CHIC2: variants seen among roughly 807,000 people sequenced by gnomAD.
The protein encoded by CHIC2 is cysteine rich hydrophobic domain 2.
Under a neutral mutation model 25.9 loss-of-function variants are expected in CHIC2, and 14 were observed. The observed-to-expected ratio is 0.54, with a 90% CI of 0.36 to 0.85. The LOEUF (loss-of-function observed/expected upper bound fraction) is 0.85. CHIC2 is among the 40% of genes least tolerant of loss of function. The pLI is 0.01. For missense variants in CHIC2, 146 were observed against 202.0 expected (o/e 0.72, Z 1.68); for synonymous variants, 70 against 72.0 (o/e 0.97, Z 0.14).
chr4:54,066,513 GC>G (rs1717523128), upstream of CHIC2, among the ~76,000 whole-genome samples: 1 of 152,086 alleles, frequency 6.6e-6, no homozygotes, highest in African/African-American at 2.4e-5. Flanking sequence ...TTTCAGAGAT[GC>G]TATGATATGC....
intron 1 of CHIC2, among the ~76,000 whole-genome samples, chr4:54,056,977 G>A (rs1326647294): frequency 6.6e-6 from 1 of 152,122 alleles, no homozygotes; most frequent in Non-Finnish European, 1.5e-5. Context: ...CATACTAGCT[G>A]CCCCAGCAGC....
chr4:54,079,440 T>G, the CHIC2 span, among the ~76,000 whole-genome samples: 164 of 152,054 alleles, frequency 1.1e-3, no homozygotes, highest in South Asian at 4.2e-4. Context: ...ATCAAAAAGC[T>G]TCTGCACAGC....
At chr4:54,064,702 T>TGGGCGAGCGGACTGGCTGGC, upstream of CHIC2, 3 of 994,138 alleles carry the variant, frequency 3.0e-6, no homozygotes, top group Non-Finnish European at 3.6e-6. The surrounding 1 kb of genome is among the most constrained non-coding windows in gnomAD (Gnocchi z 4.2). Context: ...CGTGGGCGCG[T>TGGGCGAGCGGACTGGCTGGC]GGGCGAGCGG....
chr4:54,054,240 T>C (rs991408793), intron 1 of CHIC2, among the ~76,000 whole-genome samples: 1 of 152,260 alleles, frequency 6.6e-6, no homozygotes, highest in African/African-American at 2.4e-5. Context: ...ATGTTTTCCA[T>C]AGTTCAAGTC....
chr4:54,079,888 C>A, the CHIC2 span, among the ~76,000 whole-genome samples: 75 of 151,924 alleles, frequency 4.9e-4, 1 homozygote, highest in Admixed American at 3.8e-3. Flanking sequence ...CCCTTATACA[C>A]TGTTGGAGGA....
Position 54,062,708 on chromosome 4 carries a change from A to G in CHIC2, c.119+1474T>C, listed in dbSNP as rs535379566. ...CTTTTCTTTGACATGAGGAATGTAG[A>G]AGGAGGGATAGATGGCATGACAAAG... On this transcript the variant is annotated intron_variant, in intron 1 of 5. Transcript: ENST00000263921. 5.3e-5 allele frequency among the ~76,000 whole-genome samples: 8 copies of G among 152,300 alleles called. No individual in the cohort carries two copies. In the South Asian group the frequency reaches 1.0e-3, roughly 20 times the overall value.
At chr4:54,052,526 G>GA (rs1439483957) in intron 1 of CHIC2, among the ~76,000 whole-genome samples, 2 of 152,134 alleles carry the variant, frequency 1.3e-5, no homozygotes, top group Non-Finnish European at 2.9e-5. Flanking sequence ...ATAATAATTT[G>GA]ATGTACTTGA....
chr4:54,039,214 T>C (rs1361823424), intron 3 of CHIC2, among the ~76,000 whole-genome samples: 1 of 152,072 alleles, frequency 6.6e-6, no homozygotes, highest in Non-Finnish European at 1.5e-5. Context: ...AAAAGTACAA[T>C]CTATTTTTTT....
chr4:54,017,463 T>G (rs944561792), intron 3 of CHIC2, among the ~76,000 whole-genome samples: 1 of 152,194 alleles, frequency 6.6e-6, no homozygotes, highest in Non-Finnish European at 1.5e-5. Context: ...ACTAAAAATC[T>G]ATTTAGCTGA....
the CHIC2 span, among the ~76,000 whole-genome samples, chr4:54,088,167 C>A: frequency 1.3e-5 from 2 of 152,000 alleles, no homozygotes; most frequent in Admixed American, 1.3e-4. Flanking sequence ...ATATATATAC[C>A]CAAAAACCCA....
At chr4:54,087,676 T>A in the CHIC2 span, 1 of 545,294 alleles carries the variant, frequency 1.8e-6, no homozygotes. Context: ...TGCGTTATTG[T>A]TGGGCCATTT....
chr4:54,028,646 C>T (rs1306054996), intron 3 of CHIC2, among the ~76,000 whole-genome samples: 1 of 152,100 alleles, frequency 6.6e-6, no homozygotes. Flanking sequence ...TGCTAATAGC[C>T]GGTATACAAT....
At chr4:54,050,516 C>A (rs771696828) in intron 1 of CHIC2, among the ~76,000 whole-genome samples, 1 of 152,178 alleles carries the variant, frequency 6.6e-6, no homozygotes, top group South Asian at 2.1e-4. Flanking sequence ...TATATCTTAT[C>A]TTAAAAAACA....
chr4:54,059,718 GT>G (rs1717275665), intron 1 of CHIC2: 1 of 152,058 alleles, frequency 6.6e-6, no homozygotes, highest in Non-Finnish European at 1.5e-5. Flanking sequence ...TTGTTCGGAG[GT>G]GCAGAGAAGA....
intron 1 of CHIC2, among the ~76,000 whole-genome samples, chr4:54,052,962 G>A (rs1410128463): frequency 1.3e-5 from 2 of 150,722 alleles, no homozygotes; most frequent in Non-Finnish European, 2.9e-5. Context: ...AACATTTTAG[G>A]AATGGTTAAG....
chr4:54,076,907 T>A, the CHIC2 span: 1 of 152,222 alleles, frequency 6.6e-6, no homozygotes, highest in East Asian at 1.9e-4. Context: ...CACTGACCTA[T>A]GTTCCTGAAC....
upstream of CHIC2, chr4:54,065,438 C>A (rs1717493380): frequency 2.3e-6 from 1 of 433,316 alleles, no homozygotes; most frequent in Non-Finnish European, 3.1e-6. Context: ...CAAAAAAGAC[C>A]TGAAAGAAAG....
intron 5 of CHIC2, among the ~76,000 whole-genome samples, chr4:54,011,968 T>C (rs1715607605): frequency 6.6e-6 from 1 of 152,062 alleles, no homozygotes; most frequent in Admixed American, 6.6e-5. Context: ...CCCAAATTCA[T>C]TAGATAAAAT....
chr4:54,083,151 G>A, the CHIC2 span, among the ~76,000 whole-genome samples: 1 of 150,940 alleles, frequency 6.6e-6, no homozygotes, highest in Non-Finnish European at 1.5e-5. Context: ...AAGTAGCTGG[G>A]ATTACAGGGA....
Sources: gnomAD v4.1 joint callset for allele counts (sites outside exome capture counted in the v4.1 genomes callset) on GRCh38, gnomAD v4.1.1 for gene constraint, Gnocchi (gnomAD v3.1) non-coding constraint, MANE v1.5 for transcripts, NCBI Gene and HGNC (gene_info 2026-07-23, HGNC 2026-07-21) for gene names.